Variants in RASGRP1 observed in about 807,000 individuals in gnomAD.
RASGRP1 encodes the protein RAS guanyl-releasing protein 1.
RASGRP1 carries 37 observed loss-of-function variants against 95.1 expected under a neutral mutation model. The observed-to-expected ratio is 0.39, with a 90% confidence interval of 0.30 to 0.51. The LOEUF is 0.51. RASGRP1 is among the 20% of genes least tolerant of loss of function. The probability of loss-of-function intolerance (pLI) is 0.80; values close to 1 mark genes in which losing one functional copy is unlikely to be tolerated. For synonymous variants in RASGRP1, 325 were observed against 353.4 expected (o/e 0.92, Z 0.90); for missense variants, 711 against 965.4 (o/e 0.74, Z 3.49).
rs62002957 is a variant in RASGRP1, at chr15:38,491,371, G to C, written c.2260-683C>G. On this transcript the variant is annotated intron_variant, in intron 16 of 16. Transcript: ENST00000310803. ...TAGCTGTCTCAGCTGCCATATAATAGTGAGCACTTGCTATGTGCCTGCGCT... is the reference window on the plus strand; with the variant it reads ...TAGCTGTCTCAGCTGCCATATAATACTGAGCACTTGCTATGTGCCTGCGCT... Among the ~76,000 whole-genome samples, 7 of 152,148 alleles carry C rather than the reference G, an allele frequency of 4.6e-5. No individual in the cohort carries two copies. In the South Asian group the frequency reaches 1.2e-3, roughly 27 times the overall value.
At position 38,507,727 on chromosome 15, in the gene RASGRP1, G is replaced by A. The variant is rs1463827499; in HGVS notation, c.1241C>T (p.Thr414Met). 11 of 1,559,942 alleles carry A rather than the reference G, an allele frequency of 7.1e-6. No individual in the cohort carries two copies. Among genetic ancestry groups the A allele is most frequent in the Admixed American group, 1.9e-5 (1 of 51,712 alleles). The change falls in exon 9 of 17, where the codon ACG (threonine) becomes ATG (methionine). Residue 414 changes from threonine to methionine, a missense_variant and splice_region_variant. Thr to Met is a moderately conservative substitution (Grantham distance 81, BLOSUM62 -1). Around this residue, in one of 3 missense-constraint regions of RASGRP1, gnomAD observed 491 missense variants for 676.6 expected, o/e 0.73. Transcript: ENST00000310803. ...EANKDLVHLL[T>M]LSLDLYYTED... ...ATTGTCCTCCAGTGTGAGCCTCACC[G>A]TCAGCAAGTGTACCAAGTCCTTGTT...
Position 38,503,300 on chromosome 15 carries a change from A to G in RASGRP1, c.1400T>C (p.Ile467Thr), listed in dbSNP as rs777845828. Residue 467 changes from isoleucine (I) to threonine (T), a missense_variant, in exon 11 of 17, where the codon ATT (isoleucine) becomes ACT (threonine). Ile to Thr is a moderately conservative substitution (Grantham distance 89, BLOSUM62 -1). Coordinates refer to ENST00000310803, the MANE Select transcript of RASGRP1 (RefSeq NM_005739.4). ...GVSPKPDPKT[I>T]SKHVQRMVDS... ...CACCATCCTCTGGACGTGTTTGCTA[A>G]TGGTTTTTGGATCAGGTTTGGGAGA... 6.2e-7 allele frequency: 1 copy of G among 1,612,400 alleles called. No individual in the cohort carries two copies. Among genetic ancestry groups the G allele is most frequent in the South Asian group, 1.1e-5 (1 of 90,594 alleles).
chr15:38,499,604 T>A (rs989740185), intron 14 of RASGRP1, among the ~76,000 whole-genome samples: 1 of 152,178 alleles, frequency 6.6e-6, no homozygotes, highest in Non-Finnish European at 1.5e-5. Flanking sequence ...GGAAACCACT[T>A]TGGGGATGAG....
intron 2 of RASGRP1, among the ~76,000 whole-genome samples, chr15:38,531,153 T>C (rs1280221286): frequency 6.6e-6 from 1 of 152,238 alleles, no homozygotes; most frequent in Non-Finnish European, 1.5e-5. Flanking sequence ...GTTCTAACTC[T>C]CAACAACAAG....
chr15:38,561,920 A>G (rs1016131942), intron 1 of RASGRP1, among the ~76,000 whole-genome samples: 26 of 152,224 alleles, frequency 1.7e-4, no homozygotes, highest in African/African-American at 6.3e-4. Flanking sequence ...TTGAGTACCT[A>G]TGCTATGGCA....
At chr15:38,503,672 G>A in intron 10 of RASGRP1, 1 of 367,972 alleles carries the variant, frequency 2.7e-6, no homozygotes, top group Non-Finnish European at 4.9e-6. Flanking sequence ...CTTTGTCAGA[G>A]CTATCAACAA....
At chr15:38,498,996 C>A (rs759951525) in intron 14 of RASGRP1, 50 bp from the exon 15 acceptor site, 2 of 1,612,510 alleles carry the variant, frequency 1.2e-6, no homozygotes, top group Admixed American at 3.3e-5. Context: ...TTCTCTCTTC[C>A]CCAGTGTGTC....
rs186602586 is a variant in RASGRP1, at chr15:38,514,241, A to G, written c.676-1285T>C. Reference sequence around the variant, plus strand: ...TAACTGAGCCCCATTTTACTGTGCTATATGGCTGCTGATGGGTGGAAAACC... The same window carrying G: ...TAACTGAGCCCCATTTTACTGTGCTGTATGGCTGCTGATGGGTGGAAAACC... On this transcript the variant is annotated intron_variant, in intron 6 of 16. Transcript: ENST00000310803. Among the ~76,000 whole-genome samples the G allele has an allele frequency of 2.4e-3, 372 of 152,290 alleles. 5 individuals are homozygous for G. Among genetic ancestry groups the G allele is most frequent in the Non-Finnish European group, 4.2e-3 (286 of 68,002 alleles).
intron 2 of RASGRP1, among the ~76,000 whole-genome samples, chr15:38,540,205 G>A (rs1341495989): frequency 6.6e-6 from 1 of 152,116 alleles, no homozygotes; most frequent in African/African-American, 2.4e-5. Context: ...TGGGATTATA[G>A]GCATGAGTCA....
In RASGRP1 at chr15:38,559,812, C is replaced by T; in HGVS notation, c.220+9G>A. The T allele has an allele frequency of 3.7e-6, 6 of 1,611,588 alleles. No individual in the cohort carries two copies. Among genetic ancestry groups the T allele is most frequent in the Non-Finnish European group, 5.1e-6 (6 of 1,177,994 alleles). On this transcript the variant is annotated intron_variant, in intron 2 of 16. Coordinates refer to ENST00000310803, the MANE Select transcript of RASGRP1 (RefSeq NM_005739.4). ...GATTTTTATGCCTGTGGGCAGTTAGCCAACTTACCAAAAGATTGAATGCAG... is the reference window on the plus strand; with the variant it reads ...GATTTTTATGCCTGTGGGCAGTTAGTCAACTTACCAAAAGATTGAATGCAG...
At chr15:38,501,077 G>T (rs1891001065) in intron 13 of RASGRP1, 66 bp downstream of exon 13, 1 of 1,480,574 alleles carries the variant, frequency 6.8e-7, no homozygotes, top group Admixed American at 2.2e-5. Flanking sequence ...TGAGGTCTGT[G>T]CCTGTCTTAA....
intron 8 of RASGRP1, 124 bp from the exon 9 acceptor site, chr15:38,508,125 G>T: frequency 9.4e-7 from 1 of 1,060,168 alleles, no homozygotes; most frequent in Non-Finnish European, 1.3e-6. Context: ...TTGAGCAGGG[G>T]GTAATTCATG....
intron 14 of RASGRP1, 37 bp downstream of exon 14, chr15:38,500,066 G>A (rs1566910360): frequency 1.2e-6 from 2 of 1,603,050 alleles, no homozygotes; most frequent in Non-Finnish European, 1.7e-6. Flanking sequence ...AGAATGGACT[G>A]ATACACCAGG....
chr15:38,531,487 T>C (rs1892436090), intron 2 of RASGRP1, among the ~76,000 whole-genome samples: 1 of 152,244 alleles, frequency 6.6e-6, no homozygotes, highest in Non-Finnish European at 1.5e-5. Context: ...AAAACTCTTG[T>C]GAACTTTGGT....
At chr15:38,518,269 T>A (rs1157813404) in intron 5 of RASGRP1, 23 bp downstream of exon 5, 2 of 1,605,544 alleles carry the variant, frequency 1.2e-6, no homozygotes, top group Non-Finnish European at 1.7e-6. Flanking sequence ...TTTCGAAAGA[T>A]GAGTCAAGAC....
intron 12 of RASGRP1, chr15:38,501,514 G>A: frequency 1.5e-6 from 1 of 665,644 alleles, no homozygotes; most frequent in Non-Finnish European, 2.7e-6. Context: ...GGTGTTCTTT[G>A]GCCAAACTAG....
At chr15:38,506,690 A>G (rs1175287801) in intron 9 of RASGRP1, among the ~76,000 whole-genome samples, 2 of 152,084 alleles carry the variant, frequency 1.3e-5, no homozygotes, top group African/African-American at 4.8e-5. Flanking sequence ...GAACTATAAA[A>G]TTTTAGGAGA....
At chr15:38,537,484 C>T (rs1156560459) in intron 2 of RASGRP1, among the ~76,000 whole-genome samples, 4 of 152,100 alleles carry the variant, frequency 2.6e-5, no homozygotes, top group East Asian at 1.9e-4. Flanking sequence ...CTGCCATGCA[C>T]GCAACCCCAT....
At chr15:38,559,403 G>A (rs1428876345) in intron 2 of RASGRP1, among the ~76,000 whole-genome samples, 1 of 152,084 alleles carries the variant, frequency 6.6e-6, no homozygotes, top group East Asian at 1.9e-4. Flanking sequence ...AGATTGCAAG[G>A]GGAATTATTG....
Sources: gnomAD v4.1 joint callset for allele counts (sites outside exome capture counted in the v4.1 genomes callset) on GRCh38, gnomAD v4.1.1 for gene constraint, gnomAD v4.1.1 regional missense constraint, MANE v1.5 for transcripts, NCBI Gene and HGNC (gene_info 2026-07-23, HGNC 2026-07-21) for gene names.